The following ANXA8 variants were observed in gnomAD, a reference collection of about 807,000 sequenced individuals.
The protein encoded by ANXA8 is annexin A8.
A neutral mutation model predicts 26.8 loss-of-function variants in ANXA8; 9 were observed. That is an observed-to-expected ratio of 0.34 (90% CI 0.20 to 0.59). The LOEUF (loss-of-function observed/expected upper bound fraction) is 0.59, where lower values mean the gene tolerates loss of function less well. Ranked by LOEUF, ANXA8 falls within the 20% of genes least tolerant of loss-of-function variation. The pLI is 0.84. For missense variants in ANXA8, 83 were observed against 238.5 expected, an observed-to-expected ratio of 0.35 and a Z score of 4.29; for synonymous variants, 39 against 94.8, an observed-to-expected ratio of 0.41 and a Z score of 3.42.
the ANXA8 span, chr10:47,969,989 T>A: frequency 6.6e-6 from 1 of 151,374 alleles, no homozygotes; most frequent in Non-Finnish European, 1.5e-5. Flanking sequence ...ATTTTAAATT[T>A]ATAAGCTTAA....
chr10:47,486,919 G>A (rs1207077258), upstream of ANXA8, among the ~76,000 whole-genome samples: 1 of 149,244 alleles, frequency 6.7e-6, no homozygotes, highest in African/African-American at 2.5e-5. Flanking sequence ...GTTGCAGTGA[G>A]CCGAGATCAC....
chr10:47,553,103 G>A, the ANXA8 span, among the ~76,000 whole-genome samples: 2 of 151,972 alleles, frequency 1.3e-5, no homozygotes, highest in Non-Finnish European at 2.9e-5. Context: ...GATTTCAGAG[G>A]TTATATTGCT....
chr10:47,506,554 T>C, the ANXA8 span, among the ~76,000 whole-genome samples: 6 of 142,242 alleles, frequency 4.2e-5, 1 homozygote, highest in African/African-American at 1.5e-4. Context: ...GGTCTCAAAC[T>C]CCTGACCTCA....
At chr10:47,616,684 G>A in the ANXA8 span, among the ~76,000 whole-genome samples, 5,888 of 70,204 alleles carry the variant, frequency 0.084, 2,086 homozygotes, top group African/African-American at 0.23. Context: ...AATGCTGAGT[G>A]CCAGAAGGAG....
At chr10:47,743,733 G>A in the ANXA8 span, among the ~76,000 whole-genome samples, 4 of 150,106 alleles carry the variant, frequency 2.7e-5, no homozygotes, top group Middle Eastern at 3.3e-3. Context: ...GCCACAGGCC[G>A]CGGATCGCGC....
the ANXA8 span, among the ~76,000 whole-genome samples, chr10:47,881,798 TATGA>T: frequency 1.6e-5 from 1 of 60,866 alleles, no homozygotes; most frequent in Non-Finnish European, 2.9e-5. Flanking sequence ...GGTGTTTGTG[TATGA>T]GTATTTGTGT....
At chr10:47,779,301 G>A in the ANXA8 span, among the ~76,000 whole-genome samples, 1 of 83,208 alleles carries the variant, frequency 1.2e-5, no homozygotes, top group African/African-American at 5.1e-5. Flanking sequence ...TTCCTTTAGA[G>A]CAAGAGCTGA....
At chr10:47,604,768 G>A in the ANXA8 span, among the ~76,000 whole-genome samples, 16 of 152,404 alleles carry the variant, frequency 1.0e-4, no homozygotes, top group East Asian at 3.1e-3. Flanking sequence ...GTCAGATGTG[G>A]TAATTTGATG....
chr10:47,488,913 G>C (rs1840095962), upstream of ANXA8, among the ~76,000 whole-genome samples: 1 of 145,764 alleles, frequency 6.9e-6, no homozygotes, highest in African/African-American at 2.5e-5. Flanking sequence ...ATTTTTAGTA[G>C]AGATGCGGTT....
the ANXA8 span, among the ~76,000 whole-genome samples, chr10:47,645,034 G>A: frequency 6.6e-6 from 1 of 151,688 alleles, no homozygotes; most frequent in African/African-American, 2.4e-5. Context: ...TATTATTAGA[G>A]GATCCTGATA....
the ANXA8 span, among the ~76,000 whole-genome samples, chr10:47,567,484 AG>A: frequency 1.4e-5 from 2 of 145,002 alleles, no homozygotes; most frequent in Non-Finnish European, 3.0e-5. Context: ...GTCCTGGAGC[AG>A]GGCCAGGGAG....
the ANXA8 span, among the ~76,000 whole-genome samples, chr10:47,778,093 C>T: frequency 1.3e-5 from 2 of 151,872 alleles, no homozygotes; most frequent in Admixed American, 6.6e-5. Flanking sequence ...GCTAGTTATC[C>T]TCTGGGGCAA....
At chr10:47,951,701 C>T in the ANXA8 span, among the ~76,000 whole-genome samples, 1 of 147,210 alleles carries the variant, frequency 6.8e-6, no homozygotes, top group African/African-American at 2.6e-5. Context: ...ATCCCCGCTA[C>T]TCAGGAAGCT....
At chr10:47,674,294 G>A in the ANXA8 span, among the ~76,000 whole-genome samples, 1 of 150,926 alleles carries the variant, frequency 6.6e-6, no homozygotes, top group Non-Finnish European at 1.5e-5. Context: ...ACCACACCTG[G>A]CTAATTTTTT....
chr10:47,743,297 CAT>C, the ANXA8 span, among the ~76,000 whole-genome samples: 27,670 of 54,438 alleles, frequency 0.51, 4,567 homozygotes, highest in East Asian at 0.68. Flanking sequence ...TATATATACA[CAT>C]ATATATATAT....
chr10:47,550,295 G>C, the ANXA8 span, among the ~76,000 whole-genome samples: 12 of 151,202 alleles, frequency 7.9e-5, no homozygotes. Context: ...AATTCTCATA[G>C]GAAAAAGAGA....
the ANXA8 span, among the ~76,000 whole-genome samples, chr10:47,581,856 T>C: frequency 0.03 from 4,315 of 142,322 alleles, 176 homozygotes; most frequent in African/African-American, 0.12. Context: ...CCGCCTGCCT[T>C]GGCCTCCCAA....
the ANXA8 span, among the ~76,000 whole-genome samples, chr10:47,647,873 T>C: frequency 6.6e-5 from 10 of 151,880 alleles, no homozygotes; most frequent in African/African-American, 2.4e-4. Flanking sequence ...GTAACAACAC[T>C]GTGGAAAGCA....
chr10:47,939,026 A>C, the ANXA8 span, among the ~76,000 whole-genome samples: 3 of 144,224 alleles, frequency 2.1e-5, no homozygotes, highest in Non-Finnish European at 3.0e-5. Flanking sequence ...CAAGCCCCAC[A>C]AGAGTGTTCT....
Sources: allele counts gnomAD v4.1 joint callset (sites outside exome capture counted in the v4.1 genomes callset), GRCh38; gene constraint gnomAD v4.1.1; transcripts MANE v1.5; gene names NCBI Gene and HGNC (gene_info 2026-07-23, HGNC 2026-07-21).